Variants in ENTPD6 observed in about 807,000 individuals in gnomAD.
ENTPD6 encodes ectonucleoside triphosphate diphosphohydrolase 6, also known as CD39 antigen-like 2.
A neutral mutation model predicts 61.5 loss-of-function variants in ENTPD6; 46 were observed. That is an observed-to-expected ratio of 0.75 (90% CI 0.59 to 0.96). The LOEUF is 0.96. ENTPD6 is among the 40% of genes least tolerant of loss of function. ENTPD6 has a pLI of 0.00. For missense variants in ENTPD6, 612 were observed against 629.0 expected, an observed-to-expected ratio of 0.97 and a Z score of 0.29; for synonymous variants, 252 against 255.5, an observed-to-expected ratio of 0.99 and a Z score of 0.13.
chr20:25,224,693 C>A (rs1233042265), intron 13 of ENTPD6: 1 of 158,538 alleles, frequency 6.3e-6, no homozygotes, highest in African/African-American at 2.4e-5. Flanking sequence ...CCCTTCCCCT[C>A]CCCCAAAAGT....
intron 5 of ENTPD6, among the ~76,000 whole-genome samples, chr20:25,214,356 G>T (rs1048640409): frequency 6.6e-6 from 1 of 152,224 alleles, no homozygotes; most frequent in Non-Finnish European, 1.5e-5. Context: ...AATACCCCCC[G>T]AGGCCAGGGC....
chr20:25,217,898 C>CCTT lies in ENTPD6; in HGVS notation c.878+319_878+320insTCT, dbSNP rs1365841845. On this transcript the variant is annotated intron_variant, in intron 9 of 14. Coordinates refer to ENST00000376652, the MANE Select transcript of ENTPD6 (RefSeq NM_001247.5). ...ACCCAGACCTCTCTCTCCTCCTCCT[C>CCTT]CTCCCGCCTCCTCTGTCCTCCTCCT... 1.0e-4 allele frequency among the ~76,000 whole-genome samples: 15 copies of CCTT among 148,448 alleles called. No individual in the cohort carries two copies. In the South Asian group the frequency reaches 2.0e-3, roughly 20 times the overall value.
rs772901579 is a variant in ENTPD6 at position 25,206,557 on chromosome 20, T to A, written c.21T>A (p.Tyr7Ter). 6.2e-7 allele frequency: 1 copy of A among 1,613,872 alleles called. No homozygotes were observed. The highest frequency in any genetic ancestry group is 1.3e-5 in the African/African-American group (1 of 75,064). MKKGIR[Y>*]ETSRKTSYIF... ...TGTGAATGAAAAAAGGTATCCGTTA[T>A]GAAACTTCCAGAAAAACGAGCTACA... Residue 7 changes from tyrosine (Y) to a stop codon, truncating the protein, a stop_gained, in exon 2 of 15, where the codon TAT (tyrosine) becomes TAA (stop). Transcript: ENST00000376652. LOFTEE classifies it high-confidence loss of function.
chr20:25,209,688 CAA>C (rs1331016957), intron 3 of ENTPD6, among the ~76,000 whole-genome samples, 159 bp from the exon 4 acceptor site: 1 of 151,996 alleles, frequency 6.6e-6, no homozygotes, highest in Non-Finnish European at 1.5e-5. Context: ...TTCTGATGAA[CAA>C]AGAGTCAGAA....
intron 4 of ENTPD6, among the ~76,000 whole-genome samples, chr20:25,211,444 C>T (rs916744876): frequency 2.0e-5 from 3 of 152,220 alleles, no homozygotes; most frequent in African/African-American, 7.2e-5. Flanking sequence ...CTCCAGGCTG[C>T]CTCGGAGGCC....
chr20:25,227,088 G>A lies in ENTPD6; in HGVS notation c.*1491G>A, dbSNP rs1220214118. ...CGTCCCAAAGGTGTCGCATGCCAGG[G>A]AAACTGCAGACCAGCCCACATCCCG... On this transcript the variant is annotated 3_prime_UTR_variant, in exon 15 of 15. Coordinates refer to ENST00000376652, the MANE Select transcript of ENTPD6 (RefSeq NM_001247.5). Among the ~76,000 whole-genome samples the A allele has an allele frequency of 6.6e-6, 1 of 152,256 alleles. No individual in the cohort carries two copies. Among genetic ancestry groups the A allele is most frequent in the Non-Finnish European group, 1.5e-5 (1 of 68,048 alleles).
In ENTPD6 at chr20:25,195,874, G is replaced by T. The variant is rs1242582716; in HGVS notation, c.-16+7G>T. Reference sequence around the variant, plus strand: ...GCGGAGCGCGCGGTGCATGGTAAGCGGCGGGCCGGGGCGCTGGCGGGGGCG... The same window carrying T: ...GCGGAGCGCGCGGTGCATGGTAAGCTGCGGGCCGGGGCGCTGGCGGGGGCG... On this transcript the variant is annotated splice_region_variant and intron_variant, in intron 1 of 14. Coordinates refer to ENST00000376652, the MANE Select transcript of ENTPD6 (RefSeq NM_001247.5). 2 of 1,234,924 alleles carry T rather than the reference G, an allele frequency of 1.6e-6. No individual in the cohort carries two copies. The highest frequency in any genetic ancestry group is 1.0e-6 in the Non-Finnish European group (1 of 987,442). 76.5% of individuals were successfully genotyped at this position (1,234,924 alleles called of 1,614,324 possible).
At chr20:25,211,294 C>T (rs2091943466) in intron 4 of ENTPD6, among the ~76,000 whole-genome samples, 2 of 152,234 alleles carry the variant, frequency 1.3e-5, no homozygotes, top group Admixed American at 1.3e-4. Context: ...AGTGACCTTA[C>T]AGTTAAACCT....
At chr20:25,212,626 A>C (rs929727288) in intron 4 of ENTPD6, among the ~76,000 whole-genome samples, 1 of 152,208 alleles carries the variant, frequency 6.6e-6, no homozygotes, top group Non-Finnish European at 1.5e-5. Flanking sequence ...AGGCTGAGGC[A>C]GGAAATGGCT....
chr20:25,224,233 C>T, intron 13 of ENTPD6, 76 bp downstream of exon 13: 2 of 1,371,318 alleles, frequency 1.5e-6, no homozygotes, highest in Non-Finnish European at 1.0e-6. Context: ...CTGGCCCTGA[C>T]TCTCCTGGGT....
intron 11 of ENTPD6, 196 bp downstream of exon 11, chr20:25,221,529 T>G: frequency 1.5e-6 from 1 of 650,454 alleles, no homozygotes; most frequent in South Asian, 1.6e-5. Flanking sequence ...GCTCCTTCCC[T>G]CTGCCTCTGT....
chr20:25,207,321 C>T lies in ENTPD6; in HGVS notation c.300C>T (p.Val100=), dbSNP rs1164236917. ...PLGTAADGHE[V]FYGIMFDAGS... ...GGACAGCTGCAGACGGGCACGAGGT[C>T]TTCTACGGGATCATGTTTGATGCAG... Residue 100 remains valine (V), a synonymous_variant, in exon 3 of 15, where the codon GTC becomes GTT. Coordinates refer to ENST00000376652, the MANE Select transcript of ENTPD6 (RefSeq NM_001247.5). The T allele has an allele frequency of 1.9e-6, 3 of 1,595,168 alleles. No individual in the cohort carries two copies. Among genetic ancestry groups the T allele is most frequent in the Non-Finnish European group, 2.6e-6 (3 of 1,166,874 alleles).
At chr20:25,218,732 C>T (rs1294353344) in intron 10 of ENTPD6, 118 bp downstream of exon 10, 3 of 1,017,122 alleles carry the variant, frequency 2.9e-6, no homozygotes, top group South Asian at 1.6e-5. Context: ...TCCCTCTGCC[C>T]CTCCCACCCC....
intron 13 of ENTPD6, 52 bp downstream of exon 13, chr20:25,224,209 T>C (rs1396652397): frequency 1.3e-6 from 2 of 1,549,708 alleles, no homozygotes; most frequent in East Asian, 2.3e-5. Context: ...CCCGTGATGC[T>C]CGTGACGCAG....
chr20:25,205,922 G>GT (rs2091459354), intron 1 of ENTPD6, among the ~76,000 whole-genome samples: 1 of 152,256 alleles, frequency 6.6e-6, no homozygotes, highest in African/African-American at 2.4e-5. Context: ...ACAGCCTCAG[G>GT]TAGCGCAGGT....
chr20:25,207,281 C>T lies in ENTPD6; in HGVS notation c.260C>T (p.Ala87Val). 1.2e-6 allele frequency: 2 copies of T among 1,612,524 alleles called. No individual in the cohort carries two copies. Among genetic ancestry groups the T allele is most frequent in the African/African-American group, 2.7e-5 (2 of 75,008 alleles). ...AAPGARWGQQ[A>V]HSPLGTAADG... The stretch of plus-strand genomic sequence containing the variant: ...CCGGGGGCCCGGTGGGGTCAGCAGG[C>T]CCACAGCCCCCTGGGGACAGCTGCA... Residue 87 changes from alanine to valine, a missense_variant, in exon 3 of 15, where the codon GCC becomes GTC. Coordinates refer to ENST00000376652, the MANE Select transcript of ENTPD6 (RefSeq NM_001247.5).
At chr20:25,221,445 C>T (rs1219793606) in intron 11 of ENTPD6, 112 bp downstream of exon 11, 6 of 809,538 alleles carry the variant, frequency 7.4e-6, no homozygotes, top group Admixed American at 6.0e-5. Flanking sequence ...CCTGACCTCT[C>T]TTTGAAGAGC....
At chr20:25,201,204 G>A (rs1212676918) in intron 1 of ENTPD6, among the ~76,000 whole-genome samples, 1 of 152,188 alleles carries the variant, frequency 6.6e-6, no homozygotes, top group African/African-American at 2.4e-5. Context: ...TGTTTAAAAT[G>A]CATTAAGGCC....
Position 25,220,754 on chromosome 20 carries a change from T to C in ENTPD6, c.944-478T>C, listed in dbSNP as rs1021982205. Among the ~76,000 whole-genome samples, 24 of 152,126 alleles carry C rather than the reference T, an allele frequency of 1.6e-4. 1 individual carries two copies. The highest frequency in any genetic ancestry group is 5.8e-4 in the African/African-American group (24 of 41,414). On this transcript the variant is annotated intron_variant, in intron 10 of 14. Transcript: ENST00000376652. ...ACAGCAGCCTGCCATCCTCGAAAGG[T>C]GATACTGGGGCCAGCCCTGGGACCA...
Sources: gnomAD v4.1 joint callset for allele counts (sites outside exome capture counted in the v4.1 genomes callset) on GRCh38, gnomAD v4.1.1 for gene constraint, MANE v1.5 for transcripts, NCBI Gene and HGNC (gene_info 2026-07-23, HGNC 2026-07-21) for gene names.